The following FER variants were observed in gnomAD, a reference collection of about 807,000 sequenced individuals.
FER encodes the protein tyrosine-protein kinase Fer.
Under a neutral mutation model 111.0 loss-of-function variants are expected in FER, and 63 were observed. The ratio of observed to expected loss-of-function variants is 0.57; its 90% CI spans 0.46 to 0.70. The LOEUF is 0.70. Among genes scored for constraint, FER ranks in the 30% least tolerant of loss-of-function variants. The probability of loss-of-function intolerance (pLI) is 0.00; values close to 1 mark genes in which losing one functional copy is unlikely to be tolerated. For synonymous variants in FER, 327 were observed against 313.9 expected (o/e 1.04, Z -0.44); for missense variants, 914 against 954.0 (o/e 0.96, Z 0.55).
chr5:108,888,232 A>G (rs535600159), intron 9 of FER, among the ~76,000 whole-genome samples: 1 of 151,934 alleles, frequency 6.6e-6, no homozygotes, highest in African/African-American at 2.4e-5. Flanking sequence ...ATGTGATTTA[A>G]AAAAAATGTG....
intron 10 of FER, among the ~76,000 whole-genome samples, chr5:108,898,760 C>G (rs1382275880): frequency 6.6e-6 from 1 of 151,398 alleles, no homozygotes; most frequent in African/African-American, 2.4e-5. Context: ...GTTCTCACCC[C>G]CTGCCACACA....
intron 17 of FER, among the ~76,000 whole-genome samples, chr5:109,145,893 T>C (rs995016787): frequency 2.0e-5 from 3 of 151,696 alleles, no homozygotes; most frequent in Admixed American, 1.3e-4. Context: ...CTAGAAAATA[T>C]ATCTTACAAT....
chr5:109,097,645 T>C (rs1747705903), intron 16 of FER, among the ~76,000 whole-genome samples: 1 of 151,926 alleles, frequency 6.6e-6, no homozygotes, highest in South Asian at 2.1e-4. Flanking sequence ...CTAAAGACTA[T>C]GTCATCTGAT....
At chr5:108,952,352 ATTGT>A (rs1757870746) in intron 11 of FER, among the ~76,000 whole-genome samples, 1 of 138,674 alleles carries the variant, frequency 7.2e-6, no homozygotes. Context: ...AGTTTGTAAA[ATTGT>A]TTGGGATTTC....
intron 3 of FER, among the ~76,000 whole-genome samples, chr5:108,816,747 TC>T (rs1385274357): frequency 6.6e-6 from 1 of 152,058 alleles, no homozygotes; most frequent in Non-Finnish European, 1.5e-5. Flanking sequence ...ATAGACCCCA[TC>T]CAAAGCCTGT....
intron 13 of FER, among the ~76,000 whole-genome samples, chr5:109,021,326 T>C (rs1480873344): frequency 2.0e-5 from 3 of 152,092 alleles, no homozygotes; most frequent in Admixed American, 2.0e-4. Context: ...TTCTGGATGC[T>C]TCTTTTAGTG....
intron 10 of FER, among the ~76,000 whole-genome samples, chr5:108,899,121 C>T (rs1194384272): frequency 7.4e-5 from 11 of 149,224 alleles, no homozygotes; most frequent in Non-Finnish European, 1.5e-4. Context: ...TCTGAGAATA[C>T]GGTAAATGTA....
chr5:108,774,101 G>A (rs964286313), intron 2 of FER, among the ~76,000 whole-genome samples: 1 of 151,466 alleles, frequency 6.6e-6, no homozygotes, highest in African/African-American at 2.4e-5. Context: ...CCCTCCCTGT[G>A]TCCATGTGTT....
chr5:108,886,418 A>G (rs1747172430), intron 9 of FER, among the ~76,000 whole-genome samples: 1 of 148,532 alleles, frequency 6.7e-6, no homozygotes, highest in Non-Finnish European at 1.5e-5. Flanking sequence ...ACATATAAAC[A>G]TATATATTAT....
intron 17 of FER, among the ~76,000 whole-genome samples, chr5:109,135,899 G>A (rs1752845033): frequency 6.6e-6 from 1 of 151,966 alleles, no homozygotes. Flanking sequence ...AAGCTTTTCT[G>A]TATGACCTTA....
chr5:108,857,788 G>A (rs762785552), intron 5 of FER, among the ~76,000 whole-genome samples: 67 of 151,960 alleles, frequency 4.4e-4, no homozygotes, highest in Non-Finnish European at 9.3e-4. Flanking sequence ...TTTTATTCAT[G>A]GATTATAATT....
At chr5:109,004,300 A>C (rs922987891) in intron 13 of FER, among the ~76,000 whole-genome samples, 1 of 152,192 alleles carries the variant, frequency 6.6e-6, no homozygotes, top group Non-Finnish European at 1.5e-5. Flanking sequence ...ATCAGAGATA[A>C]CATTTCCCTA....
chr5:108,987,126 C>T (rs62377121), intron 13 of FER, among the ~76,000 whole-genome samples: 1 of 151,964 alleles, frequency 6.6e-6, no homozygotes, highest in African/African-American at 2.4e-5. Context: ...TTTCTTTCAG[C>T]AGTGTTTTAG....
chr5:109,155,352 T>C lies in FER; in HGVS notation c.2049-25395T>C, dbSNP rs116236513. The stretch of plus-strand genomic sequence containing the variant: ...TCAAGTTAAAAAAGTAAGATGAACA[T>C]TTTGGGGGTTAGTGTTCAAACTAGG... On this transcript the variant is annotated intron_variant, in intron 17 of 19. Coordinates refer to ENST00000281092, the MANE Select transcript of FER (RefSeq NM_005246.4). Among the ~76,000 whole-genome samples the C allele has an allele frequency of 7.5e-3, 1,140 of 151,884 alleles. 15 individuals carry two copies. Among genetic ancestry groups the C allele is most frequent in the African/African-American group, 0.026 (1,080 of 41,494 alleles).
At chr5:109,000,541 A>C (rs905799497) in intron 13 of FER, among the ~76,000 whole-genome samples, 1 of 152,168 alleles carries the variant, frequency 6.6e-6, no homozygotes, top group Non-Finnish European at 1.5e-5. Flanking sequence ...AATGCCCACA[A>C]GAGAAAGCAG....
At chr5:108,917,814 C>G (rs1190123235) in intron 10 of FER, among the ~76,000 whole-genome samples, 1 of 152,204 alleles carries the variant, frequency 6.6e-6, no homozygotes, top group Non-Finnish European at 1.5e-5. Flanking sequence ...CATGATGTCA[C>G]CAACTCTTGG....
chr5:108,855,789 G>C (rs1268602384), intron 5 of FER, among the ~76,000 whole-genome samples: 2 of 152,070 alleles, frequency 1.3e-5, no homozygotes, highest in Admixed American at 6.6e-5. Flanking sequence ...ATTTTGACAA[G>C]AGAAGTTTCA....
intron 16 of FER, among the ~76,000 whole-genome samples, chr5:109,055,135 C>G (rs1481923382): frequency 3.9e-5 from 6 of 152,104 alleles, no homozygotes; most frequent in African/African-American, 1.4e-4. Flanking sequence ...AAATGGGACC[C>G]TTATTTATAC....
Position 108,897,546 on chromosome 5 carries a change from T to TTC in FER, c.1047-111_1047-110dup, listed in dbSNP as rs561492649. ...CTGCTTAGTTTCATATTTTTTATGA[T>TTC]TCTAAAGGGCTCTTATAAAAATGAA... is the stretch of plus-strand genomic sequence containing the variant. On this transcript the variant is annotated intron_variant, in intron 9 of 19. Coordinates refer to ENST00000281092, the MANE Select transcript of FER (RefSeq NM_005246.4). The TTC allele has an allele frequency of 1.5e-4, 115 of 749,802 alleles. No homozygotes were observed. The East Asian group carries it at 3.3e-3, about 21-fold the overall frequency. The allele number at this position is 749,802 out of a possible 1,614,324, so 46.4% of individuals were successfully genotyped here. A position where few individuals can be genotyped will look rare whatever the true frequency, so the allele number is the denominator to read the frequency against.
Sources: gnomAD v4.1 joint callset for allele counts (sites outside exome capture counted in the v4.1 genomes callset) on GRCh38, gnomAD v4.1.1 for gene constraint, MANE v1.5 for transcripts, NCBI Gene and HGNC (gene_info 2026-07-23, HGNC 2026-07-21) for gene names.